The following PXDNL variants were observed in gnomAD, a reference collection of about 807,000 sequenced individuals.
PXDNL encodes the protein probable oxidoreductase PXDNL.
Under a neutral mutation model 150.8 loss-of-function variants are expected in PXDNL, and 145 were observed. That is an observed-to-expected ratio of 0.96 (90% CI 0.84 to 1.10). PXDNL has a LOEUF of 1.10. PXDNL is among the 50% of genes least tolerant of loss of function. The pLI is 0.00. For synonymous variants in PXDNL, 757 were observed against 725.7 expected, an observed-to-expected ratio of 1.04 and a Z score of -0.69; for missense variants, 2,087 against 1,873.9, an observed-to-expected ratio of 1.11 and a Z score of -2.10.
At chr8:51,689,376 C>A (rs1366028836) in intron 1 of PXDNL, among the ~76,000 whole-genome samples, 1 of 151,168 alleles carries the variant, frequency 6.6e-6, no homozygotes. Flanking sequence ...TACTGCAGAA[C>A]GTCTTTAAAT....
At chr8:51,609,103 C>T (rs1485730792) in intron 2 of PXDNL, among the ~76,000 whole-genome samples, 1 of 152,058 alleles carries the variant, frequency 6.6e-6, no homozygotes, top group Admixed American at 6.5e-5. Context: ...TGAATGACAA[C>T]CTTGAAAGAG....
chr8:51,452,539 G>T (rs2129963180), intron 10 of PXDNL, among the ~76,000 whole-genome samples: 1 of 152,312 alleles, frequency 6.6e-6, no homozygotes, highest in East Asian at 1.9e-4. Flanking sequence ...CTAGGCTGGA[G>T]GAAGCCTTGT....
intron 4 of PXDNL, among the ~76,000 whole-genome samples, chr8:51,528,661 G>A (rs1319864311): frequency 6.6e-6 from 1 of 152,158 alleles, no homozygotes; most frequent in Non-Finnish European, 1.5e-5. Flanking sequence ...AAGTGGAAAA[G>A]GGGGCAGAAG....
chr8:51,490,387 C>T (rs1455693651), intron 5 of PXDNL, among the ~76,000 whole-genome samples: 1 of 151,654 alleles, frequency 6.6e-6, no homozygotes, highest in Non-Finnish European at 1.5e-5. Flanking sequence ...ATTGTAGTTG[C>T]AGGAAAAACG....
At chr8:51,791,026 G>A (rs1331516350) in intron 1 of PXDNL, among the ~76,000 whole-genome samples, 1 of 152,042 alleles carries the variant, frequency 6.6e-6, no homozygotes, top group Non-Finnish European at 1.5e-5. Context: ...CATTCGAATA[G>A]TTCCTGGTAC....
At chr8:51,745,026 G>T (rs542477207) in intron 1 of PXDNL, among the ~76,000 whole-genome samples, 85 of 149,220 alleles carry the variant, frequency 5.7e-4, no homozygotes, top group African/African-American at 1.9e-3. Flanking sequence ...AAGAAAGAAA[G>T]AAATCAATTT....
intron 3 of PXDNL, among the ~76,000 whole-genome samples, chr8:51,570,024 C>T (rs1020650483): frequency 6.6e-6 from 1 of 151,980 alleles, no homozygotes; most frequent in South Asian, 2.1e-4. Flanking sequence ...CACCAACTTC[C>T]TCATTTCTTA....
At chr8:51,599,450 T>C (rs1412486386) in intron 2 of PXDNL, among the ~76,000 whole-genome samples, 1 of 151,574 alleles carries the variant, frequency 6.6e-6, no homozygotes, top group Non-Finnish European at 1.5e-5. Context: ...AATAATTTTT[T>C]GATTTCTGAT....
chr8:51,437,360 CA>C (rs1166612889), intron 12 of PXDNL, among the ~76,000 whole-genome samples: 1 of 152,122 alleles, frequency 6.6e-6, no homozygotes, highest in South Asian at 2.1e-4. Context: ...ATCCTAATAC[CA>C]AAAACCAGGA....
chr8:51,387,317 G>A (rs1807748032), intron 17 of PXDNL, among the ~76,000 whole-genome samples: 1 of 152,188 alleles, frequency 6.6e-6, no homozygotes, highest in South Asian at 2.1e-4. Context: ...TGTTAACTAT[G>A]GTAATAGAGC....
chr8:51,608,448 A>T (rs1374883075), intron 2 of PXDNL, among the ~76,000 whole-genome samples: 1 of 148,284 alleles, frequency 6.7e-6, no homozygotes, highest in Non-Finnish European at 1.5e-5. Context: ...CAAAGTCATG[A>T]TGTCATCAGG....
At chr8:51,534,083 T>C (rs186934971) in intron 4 of PXDNL, among the ~76,000 whole-genome samples, 25,396 of 130,396 alleles carry the variant, frequency 0.19, 4,652 homozygotes, top group African/African-American at 0.46. Context: ...AAGTGAGGCG[T>C]GTCTCTGCCC....
intron 2 of PXDNL, among the ~76,000 whole-genome samples, chr8:51,641,184 C>T (rs1255818920): frequency 2.0e-5 from 3 of 148,090 alleles, no homozygotes. Context: ...CCCTTCCTTA[C>T]ACCTTATACA....
chr8:51,545,750 T>C (rs1368562883), intron 4 of PXDNL, among the ~76,000 whole-genome samples: 2 of 152,190 alleles, frequency 1.3e-5, no homozygotes, highest in Non-Finnish European at 2.9e-5. Flanking sequence ...CATTAATCTA[T>C]TCATGAGGGC....
At position 51,394,493 on chromosome 8, in the gene PXDNL, A is replaced by G. The variant is rs117416796; in HGVS notation, c.3557+13574T>C. Among the ~76,000 whole-genome samples the G allele has an allele frequency of 2.6e-4, 40 of 152,312 alleles. No homozygotes were observed. The East Asian group carries it at 7.3e-3, about 28-fold the overall frequency. On this transcript the variant is annotated intron_variant, in intron 17 of 22. Transcript: ENST00000356297. ...ACTCATCAAAGAATATCCTTCTTCA[A>G]TCGTGCTTTGATTCTGTAACAGTAG... is the stretch of plus-strand genomic sequence containing the variant.
chr8:51,561,842 G>A (rs1165203741), intron 3 of PXDNL, among the ~76,000 whole-genome samples: 1 of 151,864 alleles, frequency 6.6e-6, no homozygotes, highest in African/African-American at 2.4e-5. Flanking sequence ...ATTTAGAAAT[G>A]TTTAAGATGG....
chr8:51,525,295 G>A (rs747127948), intron 4 of PXDNL, among the ~76,000 whole-genome samples: 1 of 152,146 alleles, frequency 6.6e-6, no homozygotes, highest in Non-Finnish European at 1.5e-5. Context: ...TTTATGGTAT[G>A]TAAATTATAG....
intron 1 of PXDNL, among the ~76,000 whole-genome samples, chr8:51,703,109 C>T (rs1816292019): frequency 6.6e-6 from 1 of 152,138 alleles, no homozygotes; most frequent in African/African-American, 2.4e-5. Context: ...ACCAGGTATA[C>T]TGTGTGCAAA....
intron 1 of PXDNL, among the ~76,000 whole-genome samples, chr8:51,807,559 A>G (rs1031433611): frequency 3.2e-4 from 49 of 152,166 alleles, no homozygotes; most frequent in Non-Finnish European, 4.1e-4. Context: ...TGTGACACCA[A>G]GAAGTTAAGA....
Sources: allele counts gnomAD v4.1 joint callset (sites outside exome capture counted in the v4.1 genomes callset), GRCh38; gene constraint gnomAD v4.1.1; transcripts MANE v1.5; gene names NCBI Gene and HGNC (gene_info 2026-07-23, HGNC 2026-07-21).